The following KLHL5 variants were observed in gnomAD, a reference collection of about 807,000 sequenced individuals.
KLHL5 encodes kelch-like protein 5.
A neutral mutation model predicts 77.7 loss-of-function variants in KLHL5; 48 were observed. The ratio of observed to expected loss-of-function variants is 0.62; its 90% CI spans 0.49 to 0.79. The LOEUF (loss-of-function observed/expected upper bound fraction) is 0.79. KLHL5 is among the 30% of genes least tolerant of loss of function. The pLI, the probability that KLHL5 is intolerant of heterozygous loss-of-function variation, is 0.00. For synonymous variants in KLHL5, 260 were observed against 297.0 expected, an observed-to-expected ratio of 0.88 and a Z score of 1.28; for missense variants, 723 against 859.7, an observed-to-expected ratio of 0.84 and a Z score of 1.99.
At chr4:39,111,785 A>G (rs1722470838) in intron 8 of KLHL5, among the ~76,000 whole-genome samples, 1 of 152,196 alleles carries the variant, frequency 6.6e-6, no homozygotes, top group African/African-American at 2.4e-5. Context: ...GTTTAGAACA[A>G]GATATTGCTA....
intron 5 of KLHL5, among the ~76,000 whole-genome samples, chr4:39,088,631 T>C (rs1159909755): frequency 1.3e-5 from 2 of 151,924 alleles, no homozygotes; most frequent in African/African-American, 2.4e-5. Context: ...AAATCAGTGA[T>C]TATAATGAGA....
chr4:39,103,974 CAAA>C (rs35801364), intron 7 of KLHL5, among the ~76,000 whole-genome samples: 2 of 93,218 alleles, frequency 2.1e-5, no homozygotes, highest in African/African-American at 4.1e-5. Context: ...ACATCTATCT[CAAA>C]AAAAAAAAAA....
At chr4:39,070,356 A>G (rs537991099) in intron 1 of KLHL5, among the ~76,000 whole-genome samples, 2 of 152,314 alleles carry the variant, frequency 1.3e-5, no homozygotes, top group South Asian at 2.1e-4. Flanking sequence ...AATATTCTAT[A>G]TCTTTTCAAA....
chr4:39,126,351 T>C (rs1232501901), downstream of KLHL5, among the ~76,000 whole-genome samples: 5 of 152,234 alleles, frequency 3.3e-5, no homozygotes, highest in Non-Finnish European at 5.9e-5. Context: ...AAAGAACTTA[T>C]ATGAACGCAC....
intron 5 of KLHL5, chr4:39,093,052 C>T (rs777544128): frequency 2.2e-6 from 1 of 455,186 alleles, no homozygotes; most frequent in Non-Finnish European, 4.4e-6. Flanking sequence ...TGGACATAAA[C>T]GTTCTTGGCA....
intron 2 of KLHL5, among the ~76,000 whole-genome samples, chr4:39,077,704 A>AAC (rs1553889424): frequency 4.6e-5 from 7 of 150,990 alleles, no homozygotes; most frequent in African/African-American, 1.7e-4. Context: ...TAAAAAAAAA[A>AAC]AAAAACAAAA....
intron 9 of KLHL5, 93 bp downstream of exon 9, chr4:39,113,325 A>AG (rs3839126): frequency 0.56 from 562,616 of 1,011,110 alleles, 161,256 homozygotes; most frequent in Admixed American, 0.6. Context: ...GAGAATTGGA[A>AG]GGGAAAGTCG....
At chr4:39,119,074 CTGACATGTATTT>C (rs986672543) in intron 10 of KLHL5, among the ~76,000 whole-genome samples, 68 of 152,202 alleles carry the variant, frequency 4.5e-4, no homozygotes, top group African/African-American at 9.9e-4. Flanking sequence ...ATCTCTTTTT[CTGACATGTATTT>C]AAGCCCTAAG....
intron 2 of KLHL5, among the ~76,000 whole-genome samples, chr4:39,079,465 G>A (rs1719408606): frequency 6.6e-6 from 1 of 152,156 alleles, no homozygotes; most frequent in African/African-American, 2.4e-5. Flanking sequence ...CATGTGCCAG[G>A]CATGCTGCTC....
rs1718993546 is a variant in KLHL5, at chr4:39,075,972, A to G, written c.391A>G (p.Asn131Asp). 1 of 1,606,734 alleles carries G rather than the reference A, an allele frequency of 6.2e-7. No homozygotes were observed. Among genetic ancestry groups the G allele is most frequent in the South Asian group, 1.1e-5 (1 of 88,678 alleles). Residue 131 changes from asparagine (N) to aspartate (D), a missense_variant, in exon 2 of 11, where the codon AAT becomes GAT. Physicochemically the swap from Asn to Asp is conservative, Grantham distance 23. Coordinates refer to ENST00000504108, the MANE Select transcript of KLHL5 (RefSeq NM_015990.5). Reference protein sequence around the residue: ...ESDSSSCRTSNSSQTLSSCHT... With the variant: ...ESDSSSCRTSDSSQTLSSCHT... ...GTTTTTTTTTCTTTTCAGGACTTCC[A>G]ATAGTAGTCAGACATTATCATCCTG...
chr4:39,114,626 T>C (rs1722703786), intron 9 of KLHL5, among the ~76,000 whole-genome samples: 1 of 152,208 alleles, frequency 6.6e-6, no homozygotes, highest in South Asian at 2.1e-4. Context: ...AGGAAAGGAA[T>C]GTGGAAGTGT....
At chr4:39,047,858 A>G (rs991702355) in intron 1 of KLHL5, among the ~76,000 whole-genome samples, 3 of 152,238 alleles carry the variant, frequency 2.0e-5, no homozygotes, top group African/African-American at 7.2e-5. Context: ...CTAAGAGAAC[A>G]CAGTACAGAG....
At chr4:39,100,806 T>C (rs1359705905) in intron 6 of KLHL5, among the ~76,000 whole-genome samples, 3 of 152,128 alleles carry the variant, frequency 2.0e-5, no homozygotes, top group Non-Finnish European at 4.4e-5. Flanking sequence ...TTTTTAGTGA[T>C]TAAATATTCT....
In KLHL5 at chr4:39,122,978, T is replaced by G. The variant is rs1046794157; in HGVS notation, c.*1912T>G. 2.6e-5 allele frequency among the ~76,000 whole-genome samples: 4 copies of G among 152,166 alleles called. No homozygotes were observed. Among genetic ancestry groups the G allele is most frequent in the Non-Finnish European group, 2.9e-5 (2 of 68,040 alleles). ...GGAAGACTTTTGTTTAAATCTCTTA[T>G]GGAATTTTACATGTTTTGATTTAGA... On this transcript the variant is annotated 3_prime_UTR_variant, in exon 11 of 11. Transcript: ENST00000504108.
chr4:39,093,806 T>C (rs780357353), intron 5 of KLHL5, among the ~76,000 whole-genome samples: 1 of 151,878 alleles, frequency 6.6e-6, no homozygotes, highest in African/African-American at 2.4e-5. Flanking sequence ...CTGAGGAGGC[T>C]GAGGCAGGAG....
chr4:39,073,074 GTTAT>G (rs1718641698), intron 1 of KLHL5, among the ~76,000 whole-genome samples: 1 of 152,060 alleles, frequency 6.6e-6, no homozygotes, highest in Admixed American at 6.6e-5. Context: ...ATATATAATT[GTTAT>G]TTGTCAATAA....
chr4:39,118,671 G>A lies in KLHL5; in HGVS notation c.2074-2339G>A, dbSNP rs150833632. On this transcript the variant is annotated intron_variant, in intron 10 of 10. Transcript: ENST00000504108. ...CTTGGGAGGCTGAGGCAGGAGAATC[G>A]CTTGAACCTGGGAGGCAGAGGTTGC... Among the ~76,000 whole-genome samples, 444 of 152,052 alleles carry A rather than the reference G, an allele frequency of 2.9e-3. 4 individuals are homozygous for A. The highest frequency in any genetic ancestry group is 9.9e-3 in the African/African-American group (410 of 41,494).
In KLHL5 at chr4:39,069,535, C is replaced by CATATATAT. The variant is rs60163692; in HGVS notation, c.384-6404_384-6397dup. 2.8e-3 allele frequency among the ~76,000 whole-genome samples: 377 copies of CATATATAT among 136,266 alleles called. 1 individual carries two copies. The highest frequency in any genetic ancestry group is 4.0e-3 in the African/African-American group (142 of 35,454). 89.4% of individuals were successfully genotyped at this position (136,266 alleles called of 152,430 possible). On this transcript the variant is annotated intron_variant, in intron 1 of 10. Transcript: ENST00000504108. ...TTATACTATTTTTATACTTTTTTAC[C>CATATATAT]ATATATATATATATATATATATATA...
At chr4:39,099,960 C>T (rs1299488801) in intron 6 of KLHL5, among the ~76,000 whole-genome samples, 1 of 152,192 alleles carries the variant, frequency 6.6e-6, no homozygotes, top group East Asian at 1.9e-4. Context: ...GTAGTCATTA[C>T]TAGCACTCTT....
Sources: allele counts gnomAD v4.1 joint callset (sites outside exome capture counted in the v4.1 genomes callset), GRCh38; gene constraint gnomAD v4.1.1; transcripts MANE v1.5; gene names NCBI Gene and HGNC (gene_info 2026-07-23, HGNC 2026-07-21).